Variants in SORCS1 observed in about 807,000 individuals in gnomAD.
SORCS1 encodes the protein sortilin related VPS10 domain containing receptor 1, also known as VPS10 domain-containing receptor SorCS1.
In SORCS1, 60 loss-of-function variants were observed where a neutral mutation model predicts 146.1. The ratio of observed to expected loss-of-function variants is 0.41; its 90% CI spans 0.33 to 0.51. The LOEUF (loss-of-function observed/expected upper bound fraction) is 0.51. Ranked by LOEUF, SORCS1 falls within the 20% of genes least tolerant of loss-of-function variation. The probability of loss-of-function intolerance (pLI) is 0.21; values close to 1 mark genes in which losing one functional copy is unlikely to be tolerated. For synonymous variants in SORCS1, 637 were observed against 584.0 expected, an observed-to-expected ratio of 1.09 and a Z score of -1.31; for missense variants, 1,352 against 1,487.6, an observed-to-expected ratio of 0.91 and a Z score of 1.50.
At position 107,164,077 on chromosome 10, in the gene SORCS1, G is replaced by A; in HGVS notation, c.450C>T (p.Ala150=). 5.0e-6 allele frequency: 8 copies of A among 1,613,924 alleles called. No homozygotes were observed. Among genetic ancestry groups the A allele is most frequent in the Non-Finnish European group, 6.8e-6 (8 of 1,180,012 alleles). Residue 150 remains alanine, a synonymous_variant, in exon 1 of 26, where the codon GCC becomes GCT. Transcript: ENST00000263054. The surrounding 1 kb of genome is among the most constrained non-coding windows in gnomAD (Gnocchi z 6.8). The part of the protein sequence containing the change: ...PGTRERDPDK[A]TRFRMEELRL... ...TCAGCTCCTCCATCCGGAAGCGGGTGGCTTTGTCCGGGTCCCGCTCCCGAG... is the reference window on the plus strand; with the variant it reads ...TCAGCTCCTCCATCCGGAAGCGGGTAGCTTTGTCCGGGTCCCGCTCCCGAG...
chr10:106,652,134 G>A (rs1849910100), intron 18 of SORCS1, among the ~76,000 whole-genome samples: 2 of 152,212 alleles, frequency 1.3e-5, no homozygotes, highest in Admixed American at 1.3e-4. Context: ...AAATCCAACA[G>A]ATCCTCCAAG....
At chr10:106,600,626 C>T in intron 23 of SORCS1, 1 of 985,338 alleles carries the variant, frequency 1.0e-6, no homozygotes, top group South Asian at 4.7e-5. Context: ...ATGCTGTGAA[C>T]ACTATTTTGG....
intron 1 of SORCS1, among the ~76,000 whole-genome samples, chr10:107,104,781 A>G (rs1299654699): frequency 6.6e-6 from 1 of 152,206 alleles, no homozygotes; most frequent in Non-Finnish European, 1.5e-5. Flanking sequence ...ATCCACACGT[A>G]CTGCTTATCT....
intron 1 of SORCS1, among the ~76,000 whole-genome samples, chr10:107,133,592 T>C (rs1967032250): frequency 6.6e-6 from 1 of 152,188 alleles, no homozygotes. Context: ...GTACAGAAGA[T>C]GTTTTTACAG....
intron 2 of SORCS1, among the ~76,000 whole-genome samples, chr10:106,880,896 G>A (rs1754648656): frequency 6.6e-6 from 1 of 151,864 alleles, no homozygotes; most frequent in Admixed American, 6.6e-5. Flanking sequence ...AGACCATCCT[G>A]GCTAACATGG....
At chr10:106,786,266 C>A (rs1478589549) in intron 3 of SORCS1, among the ~76,000 whole-genome samples, 1 of 152,170 alleles carries the variant, frequency 6.6e-6, no homozygotes, top group East Asian at 1.9e-4. Flanking sequence ...AAAAGCTGAG[C>A]TGAGTAGGTA....
intron 1 of SORCS1, among the ~76,000 whole-genome samples, chr10:107,096,801 C>T (rs1465081692): frequency 2.6e-5 from 4 of 152,104 alleles, no homozygotes; most frequent in East Asian, 3.9e-4. Context: ...TGTGAGCCAC[C>T]GCACCCGGCC....
At chr10:107,140,992 G>T (rs754433667) in intron 1 of SORCS1, among the ~76,000 whole-genome samples, 7 of 152,176 alleles carry the variant, frequency 4.6e-5, no homozygotes, top group Non-Finnish European at 1.0e-4. Context: ...TTTATGAAAA[G>T]CAAGGGCATC....
Position 107,064,022 on chromosome 10 carries a change from A to G in SORCS1, c.558+99947T>C, listed in dbSNP as rs140198131. Among the ~76,000 whole-genome samples, 9 of 152,266 alleles carry G rather than the reference A, an allele frequency of 5.9e-5. No homozygotes were observed. The East Asian group carries it at 1.7e-3, about 29-fold the overall frequency. On this transcript the variant is annotated intron_variant, in intron 1 of 25. Coordinates refer to ENST00000263054, the MANE Select transcript of SORCS1 (RefSeq NM_052918.5). ...TTGAGTCGAAAGACATTAACCAACC[A>G]TCTTCATTATTTATACCCCTATTCT... is the stretch of plus-strand genomic sequence containing the variant.
chr10:106,730,156 G>A, intron 5 of SORCS1, 42 bp from the exon 6 acceptor site: 1 of 1,596,964 alleles, frequency 6.3e-7, no homozygotes, highest in Non-Finnish European at 8.6e-7. Context: ...CCATATTAAT[G>A]ACTTCACATG....
chr10:106,796,594 A>G (rs1168167260), intron 3 of SORCS1, among the ~76,000 whole-genome samples: 1 of 152,224 alleles, frequency 6.6e-6, no homozygotes, highest in African/African-American at 2.4e-5. Context: ...TTTAGGCTAA[A>G]TATCTTTCTT....
intron 23 of SORCS1, among the ~76,000 whole-genome samples, chr10:106,601,279 G>A (rs184733479): frequency 2.6e-5 from 4 of 152,286 alleles, no homozygotes; most frequent in East Asian, 1.9e-4. Flanking sequence ...GGTGAAAAGC[G>A]TGTTGTCTTA....
chr10:107,140,276 A>G (rs1757441115), intron 1 of SORCS1, among the ~76,000 whole-genome samples: 2 of 152,248 alleles, frequency 1.3e-5, no homozygotes, highest in African/African-American at 4.8e-5. Context: ...TAATTCTTAC[A>G]TACTGATTCC....
At chr10:106,685,257 T>C (rs571561832) in intron 10 of SORCS1, among the ~76,000 whole-genome samples, 2 of 152,270 alleles carry the variant, frequency 1.3e-5, no homozygotes, top group East Asian at 3.9e-4. Flanking sequence ...ACTCCCAACG[T>C]GGCACCCCTA....
At chr10:106,736,502 C>A (rs1386989238) in intron 5 of SORCS1, among the ~76,000 whole-genome samples, 2 of 151,326 alleles carry the variant, frequency 1.3e-5, no homozygotes, top group African/African-American at 4.9e-5. Context: ...CAGGTATTGG[C>A]AGTGACATAC....
At chr10:106,662,821 C>A (rs1385668639) in intron 17 of SORCS1, among the ~76,000 whole-genome samples, 1 of 152,176 alleles carries the variant, frequency 6.6e-6, no homozygotes, top group Non-Finnish European at 1.5e-5. Context: ...TTTACAGAAT[C>A]CACTGGCATT....
chr10:106,575,277 G>A lies in SORCS1; in HGVS notation c.*2143C>T, dbSNP rs1844528736. ...AGCCCATTTCCCAGATTCATATGGGGTATCCTCAACCATAAACATCTCTGC... is the reference window on the plus strand; with the variant it reads ...AGCCCATTTCCCAGATTCATATGGGATATCCTCAACCATAAACATCTCTGC... On this transcript the variant is annotated 3_prime_UTR_variant, in exon 26 of 26. Coordinates refer to ENST00000263054, the MANE Select transcript of SORCS1 (RefSeq NM_052918.5). 6.6e-6 allele frequency: 1 copy of A among 152,364 alleles called. No individual in the cohort carries two copies. Among genetic ancestry groups the A allele is most frequent in the African/African-American group, 2.4e-5 (1 of 41,432 alleles). The allele number at this position is 152,364 out of a possible 1,614,324, so 9.4% of individuals were successfully genotyped here. A position where few individuals can be genotyped will look rare whatever the true frequency, so the allele number is the denominator to read the frequency against.
At chr10:106,738,328 G>C (rs1857112871) in intron 5 of SORCS1, among the ~76,000 whole-genome samples, 1 of 152,180 alleles carries the variant, frequency 6.6e-6, no homozygotes, top group Non-Finnish European at 1.5e-5. Flanking sequence ...AAATCTAAGT[G>C]GGTAGTAAAT....
At chr10:107,052,375 T>C (rs948756912) in intron 1 of SORCS1, among the ~76,000 whole-genome samples, 30 of 152,264 alleles carry the variant, frequency 2.0e-4, no homozygotes, top group African/African-American at 7.2e-4. Flanking sequence ...CACTCACTGC[T>C]TCTAAGAAAA....
Sources: gnomAD v4.1 joint callset for allele counts (sites outside exome capture counted in the v4.1 genomes callset) on GRCh38, gnomAD v4.1.1 for gene constraint, Gnocchi (gnomAD v3.1) non-coding constraint, MANE v1.5 for transcripts, NCBI Gene and HGNC (gene_info 2026-07-23, HGNC 2026-07-21) for gene names.